Variants in GABPB1 observed in about 807,000 individuals in gnomAD.
GABPB1 encodes GA-binding protein subunit beta-1.
A neutral mutation model predicts 45.9 loss-of-function variants in GABPB1; 15 were observed. The ratio of observed to expected loss-of-function variants is 0.33; its 90% CI spans 0.22 to 0.50. The LOEUF (loss-of-function observed/expected upper bound fraction) is 0.50, where lower values mean the gene tolerates loss of function less well. GABPB1 is among the 20% of genes least tolerant of loss of function. The pLI is 0.98. For missense variants in GABPB1, 252 were observed against 457.5 expected, an observed-to-expected ratio of 0.55 and a Z score of 4.10; for synonymous variants, 143 against 154.4, an observed-to-expected ratio of 0.93 and a Z score of 0.55.
intron 6 of GABPB1, among the ~76,000 whole-genome samples, chr15:50,295,207 T>TG (rs1350598340): frequency 6.6e-6 from 1 of 152,254 alleles, no homozygotes; most frequent in Non-Finnish European, 1.5e-5. Context: ...CTTCCCTGGT[T>TG]GACTGCATTA....
intron 8 of GABPB1, 100 bp from the exon 9 acceptor site, chr15:50,278,884 GC>G: frequency 1.2e-6 from 1 of 856,752 alleles, no homozygotes; most frequent in Non-Finnish European, 1.7e-6. Flanking sequence ...AACCGTAGTA[GC>G]TAAAAGCAGC....
chr15:50,292,835 A>G (rs1226719292), intron 6 of GABPB1, among the ~76,000 whole-genome samples: 1 of 112,612 alleles, frequency 8.9e-6, no homozygotes, highest in Admixed American at 9.0e-5. Context: ...TAGCAAAATA[A>G]AAGTGTGTAT....
At chr15:50,341,487 C>T (rs554441123) in intron 1 of GABPB1, among the ~76,000 whole-genome samples, 2 of 151,868 alleles carry the variant, frequency 1.3e-5, no homozygotes, top group South Asian at 2.1e-4. Context: ...GAGCCGAGAT[C>T]GCGCCATTGC....
At chr15:50,348,671 G>A (rs927521214) in intron 1 of GABPB1, among the ~76,000 whole-genome samples, 1 of 151,662 alleles carries the variant, frequency 6.6e-6, no homozygotes, top group Non-Finnish European at 1.5e-5. Flanking sequence ...AGACCATCCT[G>A]ACCAACATGG....
intron 1 of GABPB1, among the ~76,000 whole-genome samples, chr15:50,348,589 C>A (rs1338807013): frequency 1.3e-5 from 2 of 150,582 alleles, no homozygotes; most frequent in South Asian, 2.1e-4. Flanking sequence ...TTTGGCTGGG[C>A]ACAGTGGCTC....
At chr15:50,319,514 A>G (rs929106331) in intron 1 of GABPB1, among the ~76,000 whole-genome samples, 3 of 152,114 alleles carry the variant, frequency 2.0e-5, no homozygotes, top group Non-Finnish European at 2.9e-5. Context: ...GCTCCCACGT[A>G]TAAGTCAGAA....
Position 50,309,691 on chromosome 15 carries a change from C to A in GABPB1, c.108G>T (p.Trp36Cys), listed in dbSNP as rs2141049215. Reference protein sequence around the residue: ...MANGAPFTTDWLGTSPLHLAA... With the variant: ...MANGAPFTTDCLGTSPLHLAA... ...ACACAATATTAAAATCATTCTTTACCCAGTCTGTAGTAAAGGGAGCTCCAT... is the reference window on the plus strand; with the variant it reads ...ACACAATATTAAAATCATTCTTTACACAGTCTGTAGTAAAGGGAGCTCCAT... Residue 36 changes from tryptophan to cysteine, a missense_variant and splice_region_variant, in exon 2 of 9, where the codon TGG (tryptophan) becomes TGT (cysteine). Transcript: ENST00000380877. 1 of 1,512,882 alleles carries A rather than the reference C, an allele frequency of 6.6e-7. No individual in the cohort carries two copies. The highest frequency in any genetic ancestry group is 9.2e-7 in the Non-Finnish European group (1 of 1,089,444). 93.7% of individuals were successfully genotyped at this position (1,512,882 alleles called of 1,614,324 possible). A position where few individuals can be genotyped will look rare whatever the true frequency, so the allele number is the denominator to read the frequency against.
chr15:50,309,659 A>G (rs1190006874), intron 2 of GABPB1, 32 bp downstream of exon 2: 3 of 1,308,562 alleles, frequency 2.3e-6, no homozygotes, highest in African/African-American at 1.5e-5. Context: ...TGAGAAGGAA[A>G]AAGAACACAC....
intron 1 of GABPB1, chr15:50,346,502 A>G (rs751409773): frequency 6.6e-5 from 10 of 152,146 alleles, no homozygotes; most frequent in Non-Finnish European, 1.3e-4. Context: ...TATCTAGTGC[A>G]TACAGGAGTT....
chr15:50,334,148 C>T (rs1200910151), intron 1 of GABPB1, among the ~76,000 whole-genome samples: 1 of 152,038 alleles, frequency 6.6e-6, no homozygotes. Context: ...GACTTTATTA[C>T]AATGTGTTTA....
intron 1 of GABPB1, among the ~76,000 whole-genome samples, chr15:50,328,520 C>CA (rs1394054646): frequency 1.3e-5 from 2 of 152,088 alleles, no homozygotes; most frequent in Non-Finnish European, 1.5e-5. Context: ...ATATTTTAGA[C>CA]AAAAAATGTC....
At position 50,278,481 on chromosome 15, in the gene GABPB1, C is replaced by T. The variant is rs1044438119; in HGVS notation, c.*151G>A. 4 of 456,438 alleles carry T rather than the reference C, an allele frequency of 8.8e-6. No homozygotes were observed. Among genetic ancestry groups the T allele is most frequent in the Non-Finnish European group, 1.5e-5 (4 of 268,246 alleles). 28.3% of individuals were successfully genotyped at this position (456,438 alleles called of 1,614,324 possible). On this transcript the variant is annotated 3_prime_UTR_variant, in exon 9 of 9. Coordinates refer to ENST00000380877, the MANE Select transcript of GABPB1 (RefSeq NM_016654.5). ...ACTTCTAAAGTAAAGTTTTATGTTA[C>T]AAGAACTCAGAGCTCATGGCTTAAG...
At chr15:50,338,344 G>A (rs2048220554) in intron 1 of GABPB1, among the ~76,000 whole-genome samples, 1 of 150,782 alleles carries the variant, frequency 6.6e-6, no homozygotes, top group Non-Finnish European at 1.5e-5. Context: ...CCGGCCAAGA[G>A]CTTGTTTTAA....
intron 8 of GABPB1, among the ~76,000 whole-genome samples, chr15:50,281,446 C>G (rs942027963): frequency 2.0e-5 from 3 of 152,140 alleles, no homozygotes; most frequent in Non-Finnish European, 4.4e-5. Context: ...CTCCTGACCT[C>G]GTGATCTGCC....
At chr15:50,324,507 C>G (rs2047679464) in intron 1 of GABPB1, among the ~76,000 whole-genome samples, 2 of 151,254 alleles carry the variant, frequency 1.3e-5, no homozygotes, top group South Asian at 4.2e-4. Flanking sequence ...CTCCAGTGAT[C>G]CAATGCCCTG....
chr15:50,299,374 G>C (rs1479078560), intron 6 of GABPB1, among the ~76,000 whole-genome samples: 1 of 152,192 alleles, frequency 6.6e-6, no homozygotes, highest in Non-Finnish European at 1.5e-5. Context: ...CATGAATACT[G>C]TTTGTCATCA....
chr15:50,345,839 G>A (rs939600531), intron 1 of GABPB1, among the ~76,000 whole-genome samples: 1 of 152,010 alleles, frequency 6.6e-6, no homozygotes, highest in Non-Finnish European at 1.5e-5. Context: ...AGCCTCCCGA[G>A]TAGCTGGAAC....
At chr15:50,311,308 T>C (rs1287968596) in intron 1 of GABPB1, among the ~76,000 whole-genome samples, 1 of 151,968 alleles carries the variant, frequency 6.6e-6, no homozygotes, top group African/African-American at 2.4e-5. Context: ...TTTAGGCCCA[T>C]GGGGAAGGGA....
At chr15:50,341,490 G>A (rs961758272) in intron 1 of GABPB1, among the ~76,000 whole-genome samples, 5 of 151,656 alleles carry the variant, frequency 3.3e-5, no homozygotes, top group African/African-American at 4.8e-5. Flanking sequence ...CCGAGATCGC[G>A]CCATTGCACT....
Sources: allele counts gnomAD v4.1 joint callset (sites outside exome capture counted in the v4.1 genomes callset), GRCh38; gene constraint gnomAD v4.1.1; transcripts MANE v1.5; gene names NCBI Gene and HGNC (gene_info 2026-07-23, HGNC 2026-07-21).